EDAR: variants seen among roughly 807,000 people sequenced by gnomAD.
EDAR encodes ectodysplasin A receptor.
A neutral mutation model predicts 51.3 loss-of-function variants in EDAR; 38 were observed. The ratio of observed to expected loss-of-function variants is 0.74; its 90% confidence interval spans 0.57 to 0.97. The LOEUF (loss-of-function observed/expected upper bound fraction) is 0.97. Among genes scored for constraint, EDAR ranks in the 50% least tolerant of loss-of-function variants. The probability of loss-of-function intolerance (pLI) is 0.00; values close to 1 mark genes in which losing one functional copy is unlikely to be tolerated. For missense variants in EDAR, 528 were observed against 595.0 expected (o/e 0.89, Z 1.17); for synonymous variants, 227 against 242.1 (o/e 0.94, Z 0.58).
intron 1 of EDAR, among the ~76,000 whole-genome samples, chr2:108,969,657 A>G (rs1357111212): frequency 5.3e-5 from 8 of 152,256 alleles, no homozygotes; most frequent in Admixed American, 5.2e-4. Context: ...CATTTAAAGA[A>G]AAGATATTTA....
At chr2:108,932,556 A>G (rs1697386825) in intron 1 of EDAR, among the ~76,000 whole-genome samples, 1 of 151,228 alleles carries the variant, frequency 6.6e-6, no homozygotes, top group Non-Finnish European at 1.5e-5. Flanking sequence ...AAAAAAAGAA[A>G]GAAATTAAGA....
At chr2:108,944,122 T>TC (rs1353790329) in intron 1 of EDAR, among the ~76,000 whole-genome samples, 2 of 152,192 alleles carry the variant, frequency 1.3e-5, no homozygotes, top group Non-Finnish European at 2.9e-5. Flanking sequence ...AATGGTATAT[T>TC]CTTTTTTTTG....
chr2:108,949,205 C>T (rs1395445090), intron 1 of EDAR, among the ~76,000 whole-genome samples: 2 of 152,134 alleles, frequency 1.3e-5, no homozygotes, highest in Non-Finnish European at 2.9e-5. Flanking sequence ...TGGTGGTGTA[C>T]TCCTGAGCTC....
chr2:108,948,616 GGAGA>G (rs1200912680), intron 1 of EDAR, among the ~76,000 whole-genome samples: 1 of 151,780 alleles, frequency 6.6e-6, no homozygotes, highest in Non-Finnish European at 1.5e-5. Flanking sequence ...CATGGTGGCA[GGAGA>G]GAGAGAGAGA....
intron 1 of EDAR, among the ~76,000 whole-genome samples, chr2:108,944,789 T>A (rs1207067830): frequency 6.6e-6 from 1 of 151,538 alleles, no homozygotes; most frequent in Non-Finnish European, 1.5e-5. Flanking sequence ...GGTCACAGAG[T>A]CAAGGGAGAA....
At chr2:108,938,470 A>C (rs189819858) in intron 1 of EDAR, among the ~76,000 whole-genome samples, 1 of 152,132 alleles carries the variant, frequency 6.6e-6, no homozygotes, top group Non-Finnish European at 1.5e-5. Flanking sequence ...GGTGCTCTGC[A>C]CTCTTGGAGG....
chr2:108,919,721 G>A (rs1172163032), intron 5 of EDAR, among the ~76,000 whole-genome samples: 5 of 152,152 alleles, frequency 3.3e-5, no homozygotes, highest in South Asian at 2.1e-4. Flanking sequence ...GTGCCTTCTC[G>A]GGTTTGAACT....
At chr2:108,985,369 G>C (rs888219140) in intron 1 of EDAR, among the ~76,000 whole-genome samples, 1 of 152,236 alleles carries the variant, frequency 6.6e-6, no homozygotes, top group East Asian at 1.9e-4. Context: ...TGTGTTTGGA[G>C]CAGTAGGTCT....
rs28407350 is a variant in EDAR at position 108,930,237 on chromosome 2, A to T, written c.57T>A (p.Ser19=). Residue 19 remains serine, a synonymous_variant, in exon 3 of 12, where the codon TCT becomes TCA. Transcript: ENST00000258443. The stretch of plus-strand genomic sequence containing the variant: ...ATTCCGCTCGGGCTGAGCACATCAG[A>T]GACACCTGCCAACAAAGGGGGGTGT... ...QTPWLPVLVV[S]LMCSARAEYS... 1.4e-3 allele frequency: 2,190 copies of T among 1,614,074 alleles called. 21 individuals are homozygous for T. The African/African-American group carries it at 0.026, about 19-fold the overall frequency.
intron 4 of EDAR, among the ~76,000 whole-genome samples, chr2:108,926,030 G>GT (rs1697247182): frequency 6.6e-6 from 1 of 152,164 alleles, no homozygotes. Flanking sequence ...TTTCTAGCAC[G>GT]TATTGCTGCA....
intron 2 of EDAR, 75 bp downstream of exon 2, chr2:108,930,889 C>A: frequency 6.6e-7 from 1 of 1,524,488 alleles, no homozygotes. Flanking sequence ...CATTTTACAG[C>A]TGAAGAGGCC....
chr2:108,943,650 G>A (rs570313994), intron 1 of EDAR, among the ~76,000 whole-genome samples: 1 of 152,290 alleles, frequency 6.6e-6, no homozygotes, highest in South Asian at 2.1e-4. Context: ...AAGACTCCGC[G>A]TATTTTCCGT....
At chr2:108,925,059 G>A (rs1558811213) in intron 4 of EDAR, among the ~76,000 whole-genome samples, 1 of 152,004 alleles carries the variant, frequency 6.6e-6, no homozygotes, top group Admixed American at 6.6e-5. Flanking sequence ...CTACCTCCAC[G>A]CATTCTCTCT....
intron 1 of EDAR, among the ~76,000 whole-genome samples, chr2:108,941,647 A>G (rs1235066870): frequency 1.3e-5 from 2 of 152,238 alleles, no homozygotes; most frequent in Admixed American, 6.5e-5. Context: ...CCCAGGGACT[A>G]GTTCTCAACA....
intron 1 of EDAR, among the ~76,000 whole-genome samples, chr2:108,933,493 G>C (rs1478487373): frequency 6.6e-6 from 1 of 152,174 alleles, no homozygotes; most frequent in Middle Eastern, 3.2e-3. Flanking sequence ...GTCTTTCCTT[G>C]GGTCTCGGCT....
rs115930248 is a variant in EDAR, at chr2:108,897,075, G to A, written c.1179C>T (p.Asp393=). The A allele has an allele frequency of 7.4e-4, 1,191 of 1,614,154 alleles. 11 individuals are homozygous for A. In the African/African-American group the frequency reaches 0.014, roughly 19 times the overall value. The change falls in exon 12 of 12, where the codon GAC becomes GAT. Residue 393 remains aspartate, a synonymous_variant. Transcript: ENST00000258443. ...LKRDEIGGMT[D]GMQLFDRIST... The stretch of plus-strand genomic sequence containing the variant: ...TGATGCGGTCAAAGAGTTGCATGCC[G>A]TCTGTCATGCCCCCAATCTCATCCC...
At position 108,896,944 on chromosome 2, in the gene EDAR, AC is replaced by A. The variant is rs1318702023; in HGVS notation, c.1309del (p.Val437LeufsTer63). 2 of 1,612,802 alleles carry A rather than the reference AC, an allele frequency of 1.2e-6. No homozygotes were observed. The highest frequency in any genetic ancestry group is 8.5e-7 in the Non-Finnish European group (1 of 1,179,658). ...LCADILEWAG[V>X]VPPASQPHAA... The stretch of plus-strand genomic sequence containing the variant: ...ATGTGGCTGGGAGGCAGGTGGCACA[AC>A]CCCCGCCCACTCCAGTATGTCTGCA... On this transcript the variant is annotated frameshift_variant, in exon 12 of 12. Transcript: ENST00000258443. LOFTEE classifies it high-confidence loss of function.
intron 1 of EDAR, among the ~76,000 whole-genome samples, chr2:108,971,008 T>C (rs1408572455): frequency 6.6e-6 from 1 of 152,166 alleles, no homozygotes; most frequent in African/African-American, 2.4e-5. Context: ...TGCTGTGTCC[T>C]GCTGTGGACC....
At chr2:108,941,987 G>T (rs1697608630) in intron 1 of EDAR, among the ~76,000 whole-genome samples, 1 of 152,220 alleles carries the variant, frequency 6.6e-6, no homozygotes, top group Non-Finnish European at 1.5e-5. Context: ...GGGGAAGGTG[G>T]CTGCCTTTCA....
Sources: allele counts gnomAD v4.1 joint callset (sites outside exome capture counted in the v4.1 genomes callset), GRCh38; gene constraint gnomAD v4.1.1; transcripts MANE v1.5; gene names NCBI Gene and HGNC (gene_info 2026-07-23, HGNC 2026-07-21).